The following CAPN13 variants were observed in gnomAD, a reference collection of about 807,000 sequenced individuals.
CAPN13 encodes calpain 13, also known as calpain-13.
CAPN13 carries 90 observed loss-of-function variants against 98.4 expected under a neutral mutation model. The ratio of observed to expected loss-of-function variants is 0.92; its 90% CI spans 0.77 to 1.09. The LOEUF (loss-of-function observed/expected upper bound fraction) is 1.09. CAPN13 is among the 50% of genes least tolerant of loss of function. The pLI, the probability that CAPN13 is intolerant of heterozygous loss-of-function variation, is 0.00. For synonymous variants in CAPN13, 330 were observed against 305.5 expected, an observed-to-expected ratio of 1.08 and a Z score of -0.84; for missense variants, 887 against 841.3, an observed-to-expected ratio of 1.05 and a Z score of -0.67.
Position 30,731,393 on chromosome 2 carries a change from A to G in CAPN13, c.1934T>C (p.Phe645Ser). The change falls in exon 21 of 23, where the codon TTC becomes TCC. Residue 645 changes from phenylalanine to serine, a missense_variant. Physicochemically the swap from Phe to Ser is radical, Grantham distance 155. Coordinates refer to ENST00000295055, the MANE Select transcript of CAPN13 (RefSeq NM_144575.3). ...LMRLEAMAKTFRNLSKDGKGL... is the reference protein window; with the variant it reads ...LMRLEAMAKTSRNLSKDGKGL... ...TTTTCCATCCTTAGAGAGGTTGCGG[A>G]AGGTCTCTAGGATAAAGAAGGGAAG... is the stretch of plus-strand genomic sequence containing the variant. 1.2e-6 allele frequency: 2 copies of G among 1,609,720 alleles called. No individual in the cohort carries two copies. The highest frequency in any genetic ancestry group is 1.7e-6 in the Non-Finnish European group (2 of 1,177,950).
chr2:30,740,090 T>G (rs1055785141), intron 15 of CAPN13, among the ~76,000 whole-genome samples: 1 of 137,622 alleles, frequency 7.3e-6, no homozygotes, highest in Admixed American at 7.1e-5. Context: ...AGGTTTTTTT[T>G]TTTTTTTTTT....
intron 7 of CAPN13, 85 bp downstream of exon 7, chr2:30,762,997 A>T (rs950020366): frequency 1.1e-5 from 12 of 1,107,580 alleles, no homozygotes; most frequent in Non-Finnish European, 1.6e-5. Context: ...TTGGGCTTTC[A>T]TGTGATTCTG....
chr2:30,738,392 G>T lies in CAPN13; in HGVS notation c.1594+8C>A. ...GATGGGGCCAGCTTGCCCTTGGGCT[G>T]CTCATACCTGTTAGAAGCTCCTGGT... On this transcript the variant is annotated splice_region_variant and intron_variant, in intron 16 of 22. Coordinates refer to ENST00000295055, the MANE Select transcript of CAPN13 (RefSeq NM_144575.3). 1 of 1,609,598 alleles carries T rather than the reference G, an allele frequency of 6.2e-7. No homozygotes were observed. The highest frequency in any genetic ancestry group is 8.5e-7 in the Non-Finnish European group (1 of 1,177,744).
At chr2:30,770,992 C>T (rs1572850021) in intron 4 of CAPN13, among the ~76,000 whole-genome samples, 1 of 152,166 alleles carries the variant, frequency 6.6e-6, no homozygotes, top group South Asian at 2.1e-4. Flanking sequence ...ATGGATGGCT[C>T]AGGAGGACCG....
intron 15 of CAPN13, among the ~76,000 whole-genome samples, chr2:30,740,277 T>C (rs1042428423): frequency 1.3e-5 from 2 of 151,936 alleles, no homozygotes; most frequent in African/African-American, 4.8e-5. Context: ...GTGTTTTTAG[T>C]AGAGATGGGG....
chr2:30,736,377 C>T, intron 18 of CAPN13, 126 bp downstream of exon 18: 1 of 915,236 alleles, frequency 1.1e-6, no homozygotes, highest in African/African-American at 1.6e-5. Flanking sequence ...GTGAGCTCTC[C>T]TTGAGGGCAG....
rs187564484 is a variant in CAPN13, at chr2:30,787,347, G to T, written c.-22C>A. On this transcript the variant is annotated 5_prime_UTR_variant, in exon 2 of 23. Transcript: ENST00000295055. ...CCATGACTCTCCTTAGAAGACTTCC[G>T]AGGTCCTTTCCTGTTGGTGAGAAAA... 1.0e-5 allele frequency: 16 copies of T among 1,595,288 alleles called. No individual in the cohort carries two copies. The highest frequency in any genetic ancestry group is 3.4e-5 in the South Asian group (3 of 87,306).
chr2:30,743,073 T>C (rs1239765629), intron 13 of CAPN13: 1 of 370,448 alleles, frequency 2.7e-6, no homozygotes, highest in Non-Finnish European at 4.9e-6. Context: ...AATTATGTTT[T>C]TCTTCAAAGC....
chr2:30,736,894 G>A (rs986060164), intron 17 of CAPN13, among the ~76,000 whole-genome samples: 9 of 152,336 alleles, frequency 5.9e-5, no homozygotes, highest in East Asian at 1.9e-4. Flanking sequence ...AGTTGGGGAG[G>A]AGCACGAAGG....
rs1672259120 is a variant in CAPN13 at position 30,753,061 on chromosome 2, T to C, written c.1079A>G (p.Asn360Ser). ...ACCAGCGTCATGATTACCTGCAGTG[T>C]TTCCTAGAATCACTTGCTTCCTAAA... Reference protein sequence around the residue: ...IMFRKQVILGNTAGGPRNDAQ... With the variant: ...IMFRKQVILGSTAGGPRNDAQ... Residue 360 changes from asparagine (N) to serine (S), a missense_variant, in exon 10 of 23, where the codon AAC becomes AGC. Coordinates refer to ENST00000295055, the MANE Select transcript of CAPN13 (RefSeq NM_144575.3). The C allele has an allele frequency of 2.0e-5, 33 of 1,613,808 alleles. No individual in the cohort carries two copies. The highest frequency in any genetic ancestry group is 2.8e-5 in the Non-Finnish European group (33 of 1,179,852).
At chr2:30,764,384 C>T in intron 5 of CAPN13, 78 bp from the exon 6 acceptor site, 1 of 1,495,086 alleles carries the variant, frequency 6.7e-7, no homozygotes, top group Non-Finnish European at 9.1e-7. Flanking sequence ...CACTGATCCT[C>T]TGCCTATTTC....
intron 20 of CAPN13, 79 bp from the exon 21 acceptor site, chr2:30,731,478 A>G (rs1427893477): frequency 3.2e-6 from 4 of 1,261,272 alleles, no homozygotes; most frequent in East Asian, 2.5e-5. Flanking sequence ...GCCTGGGCCC[A>G]TAAGAAGCAC....
At chr2:30,789,286 G>GCA (rs1674486786) in intron 1 of CAPN13, among the ~76,000 whole-genome samples, 1 of 152,214 alleles carries the variant, frequency 6.6e-6, no homozygotes, top group African/African-American at 2.4e-5. Flanking sequence ...CTCTGTGCAT[G>GCA]CTCGGGGACA....
At chr2:30,723,763 G>GC (rs1475412552) in intron 22 of CAPN13, among the ~76,000 whole-genome samples, 1 of 152,150 alleles carries the variant, frequency 6.6e-6, no homozygotes, top group African/African-American at 2.4e-5. Context: ...TCAGCCAGCT[G>GC]CCCTACCCAT....
chr2:30,737,966 G>GACAC (rs71831494), intron 17 of CAPN13: 8,672 of 373,100 alleles, frequency 0.023, 307 homozygotes, highest in African/African-American at 0.11. Context: ...GAATTATAAG[G>GACAC]ACACACACAC....
At chr2:30,798,130 G>A (rs530415078) in intron 1 of CAPN13, among the ~76,000 whole-genome samples, 4 of 152,264 alleles carry the variant, frequency 2.6e-5, no homozygotes, top group Admixed American at 6.5e-5. Flanking sequence ...CTGGCCATAC[G>A]TAGCTATTGA....
intron 12 of CAPN13, 36 bp from the exon 13 acceptor site, chr2:30,743,615 C>G: frequency 6.2e-7 from 1 of 1,601,338 alleles, no homozygotes; most frequent in Non-Finnish European, 8.6e-7. Context: ...TGTGAGAAAG[C>G]CTCCTCTGTG....
chr2:30,806,477 A>G lies in CAPN13; in HGVS notation c.-33+825T>C, dbSNP rs186700070. ...GTGGGTACAAAGGTGAGACAATTCA[A>G]GAGGATAATCTGATTGAAAGTCTAG... On this transcript the variant is annotated intron_variant, in intron 1 of 22. Transcript: ENST00000295055. Among the ~76,000 whole-genome samples, 9 of 152,352 alleles carry G rather than the reference A, an allele frequency of 5.9e-5. No homozygotes were observed. The East Asian group carries it at 1.7e-3, about 29-fold the overall frequency.
chr2:30,782,301 T>C (rs1674026199), intron 2 of CAPN13, among the ~76,000 whole-genome samples: 1 of 152,222 alleles, frequency 6.6e-6, no homozygotes, highest in African/African-American at 2.4e-5. Flanking sequence ...AGCATCTTAG[T>C]ATTCGGCCTT....
Sources: gnomAD v4.1 joint callset for allele counts (sites outside exome capture counted in the v4.1 genomes callset) on GRCh38, gnomAD v4.1.1 for gene constraint, MANE v1.5 for transcripts, NCBI Gene and HGNC (gene_info 2026-07-23, HGNC 2026-07-21) for gene names.